C10orf71: variants seen among roughly 807,000 people sequenced by gnomAD.
The protein encoded by C10orf71 is cardiac-enriched FHL2-interacting protein.
For missense variants in C10orf71, 1,869 were observed against 1,804.5 expected, an observed-to-expected ratio of 1.04 and a Z score of -0.65; for synonymous variants, 758 against 726.3, an observed-to-expected ratio of 1.04 and a Z score of -0.70.
Position 49,323,923 on chromosome 10 carries a change from G to T in C10orf71, c.1378G>T (p.Ala460Ser), listed in dbSNP as rs1482216891. The T allele has an allele frequency of 6.2e-7, 1 of 1,613,644 alleles. No individual in the cohort carries two copies. Among genetic ancestry groups the T allele is most frequent in the Non-Finnish European group, 8.5e-7 (1 of 1,179,826 alleles). Reference protein sequence around the residue: ...IIPSKHALDSADSQPAERTPS... With the variant: ...IIPSKHALDSSDSQPAERTPS... ...ACCCAGCAAGCACGCCCTGGATTCA[G>T]CAGACAGCCAGCCAGCAGAGCGAAC... is the stretch of plus-strand genomic sequence containing the variant. Residue 460 changes from alanine (A) to serine (S), a missense_variant, in exon 3 of 3, where the codon GCA (alanine) becomes TCA (serine). Physicochemically the swap from Ala to Ser is moderately conservative, Grantham distance 99. Transcript: ENST00000374144.
chr10:49,322,985 T>G lies in C10orf71; in HGVS notation c.440T>G (p.Ile147Ser). The G allele has an allele frequency of 1.2e-6, 2 of 1,613,986 alleles. No individual in the cohort carries two copies. Among genetic ancestry groups the G allele is most frequent in the South Asian group, 2.2e-5 (2 of 91,080 alleles). ...NKPVSKVSTL[I>S]KSFDRTESQR... ...CCTGTCTCCAAAGTATCAACACTAA[T>G]TAAATCTTTCGACAGGACCGAGAGC... The change falls in exon 3 of 3, where the codon ATT (isoleucine) becomes AGT (serine). Residue 147 changes from isoleucine to serine, a missense_variant. Ile to Ser is a moderately radical substitution (Grantham distance 142). Coordinates refer to ENST00000374144, the MANE Select transcript of C10orf71 (RefSeq NM_001135196.2).
chr10:49,301,750 A>G (rs549129048), intron 1 of C10orf71, among the ~76,000 whole-genome samples: 2 of 152,240 alleles, frequency 1.3e-5, no homozygotes, highest in African/African-American at 4.8e-5. Context: ...GCCTGGGGAA[A>G]GTCTGACAGA....
At position 49,324,964 on chromosome 10, in the gene C10orf71, G is replaced by A; in HGVS notation, c.2419G>A (p.Val807Met). The stretch of plus-strand genomic sequence containing the variant: ...AGCATTGCAAAGAGAAAGGGAAAGT[G>A]TGTCTGGAGGAAGAACCAGGAAGGC... Reference protein sequence around the residue: ...GEALQRERESVSGGRTRKASA... With the variant: ...GEALQRERESMSGGRTRKASA... Residue 807 changes from valine to methionine, a missense_variant, in exon 3 of 3, where the codon GTG (valine) becomes ATG (methionine). Physicochemically the swap from Val to Met is conservative, Grantham distance 21. Coordinates refer to ENST00000374144, the MANE Select transcript of C10orf71 (RefSeq NM_001135196.2). The A allele has an allele frequency of 6.4e-7, 1 of 1,550,948 alleles. No homozygotes were observed. The highest frequency in any genetic ancestry group is 8.7e-7 in the Non-Finnish European group (1 of 1,146,512).
At chr10:49,305,966 T>G (rs1015549263) in intron 1 of C10orf71, among the ~76,000 whole-genome samples, 17 of 152,242 alleles carry the variant, frequency 1.1e-4, no homozygotes, top group Admixed American at 8.5e-4. Context: ...AGCTTTGCTT[T>G]GTCTGGTTTT....
Position 49,322,657 on chromosome 10 carries a change from C to G in C10orf71, c.112C>G (p.Arg38Gly). Residue 38 changes from arginine to glycine, a missense_variant, in exon 3 of 3, where the codon CGG (arginine) becomes GGG (glycine). By Grantham distance (125) the Arg-to-Gly change is moderately radical. Coordinates refer to ENST00000374144, the MANE Select transcript of C10orf71 (RefSeq NM_001135196.2). ...EVSSLTDRAF[R>G]SLCISEDTSF... ...GAGCAGCCTAACAGACCGGGCATTC[C>G]GGAGTTTGTGCATCTCCGAGGACAC... 1 of 1,613,602 alleles carries G rather than the reference C, an allele frequency of 6.2e-7. No individual in the cohort carries two copies. Among genetic ancestry groups the G allele is most frequent in the Non-Finnish European group, 8.5e-7 (1 of 1,179,706 alleles).
At position 49,308,581 on chromosome 10, in the gene C10orf71, G is replaced by A. The variant is rs528325353; in HGVS notation, c.-247-7564G>A. Among the ~76,000 whole-genome samples the A allele has an allele frequency of 3.9e-5, 6 of 152,324 alleles. No individual in the cohort carries two copies. The South Asian group carries it at 1.2e-3, about 32-fold the overall frequency. On this transcript the variant is annotated intron_variant, in intron 1 of 2. Transcript: ENST00000374144. The stretch of plus-strand genomic sequence containing the variant: ...TTACACACATAAGAGGCACTGCCCA[G>A]TGGAAGCCAATCTAAGGCAATCAGA...
chr10:49,312,450 T>C (rs1848931726), intron 1 of C10orf71, among the ~76,000 whole-genome samples: 2 of 152,216 alleles, frequency 1.3e-5, no homozygotes, highest in African/African-American at 4.8e-5. Context: ...AAAGCCAGCA[T>C]TTCATCCACT....
chr10:49,310,796 ATGATGG>A (rs1337536450), intron 1 of C10orf71, among the ~76,000 whole-genome samples: 1 of 151,504 alleles, frequency 6.6e-6, no homozygotes, highest in Non-Finnish European at 1.5e-5. Context: ...GATGATGATG[ATGATGG>A]TGATGATGAT....
chr10:49,310,297 T>A (rs1848888487), intron 1 of C10orf71, among the ~76,000 whole-genome samples: 1 of 152,144 alleles, frequency 6.6e-6, no homozygotes, highest in South Asian at 2.1e-4. Flanking sequence ...GAAAGTGAAA[T>A]GAAACCCTCG....
intron 1 of C10orf71, among the ~76,000 whole-genome samples, chr10:49,301,334 G>A (rs1379986166): frequency 6.6e-6 from 1 of 152,212 alleles, no homozygotes; most frequent in Admixed American, 6.5e-5. Context: ...ACAAAATCCA[G>A]CCAGTCCATA....
At chr10:49,306,830 C>G (rs1848822520) in intron 1 of C10orf71, among the ~76,000 whole-genome samples, 1 of 152,206 alleles carries the variant, frequency 6.6e-6, no homozygotes, top group Non-Finnish European at 1.5e-5. Flanking sequence ...CCAGGGGGAC[C>G]CACCATTCAC....
intron 2 of C10orf71, among the ~76,000 whole-genome samples, chr10:49,320,070 C>A (rs191803109): frequency 3.9e-4 from 59 of 152,112 alleles, no homozygotes; most frequent in Admixed American, 1.4e-3. Context: ...CATGAACATA[C>A]GAATATATTT....
intron 1 of C10orf71, among the ~76,000 whole-genome samples, chr10:49,307,784 G>A (rs369047884): frequency 6.6e-6 from 1 of 152,208 alleles, no homozygotes; most frequent in Admixed American, 6.5e-5. Flanking sequence ...ACCAGGAGGG[G>A]ACAGGTTTGT....
At position 49,326,327 on chromosome 10, in the gene C10orf71, C is replaced by G. The variant is rs964131303; in HGVS notation, c.3782C>G (p.Pro1261Arg). The change falls in exon 3 of 3, where the codon CCC becomes CGC. Residue 1261 changes from proline to arginine, a missense_variant. Transcript: ENST00000374144. ...CCTGTCGGGAGGCGGCCCGGGGGCC[C>G]CCAGTCCCTCACACCCCTGCCCGCG... is the stretch of plus-strand genomic sequence containing the variant. ...SEPVGRRPGG[P>R]QSLTPLPAYP... 1 of 1,549,806 alleles carries G rather than the reference C, an allele frequency of 6.5e-7. No individual in the cohort carries two copies. Among genetic ancestry groups the G allele is most frequent in the Non-Finnish European group, 8.7e-7 (1 of 1,146,560 alleles).
At position 49,322,893 on chromosome 10, in the gene C10orf71, C is replaced by T. The variant is rs768479530; in HGVS notation, c.348C>T (p.Ser116=). The part of the protein sequence containing the change: ...VQGEEKYPKT[S]PPPTPVQRRL... ...GAGAGGAAAAGTACCCCAAAACCAG[C>T]CCCCCACCAACGCCAGTCCAGAGGA... The change falls in exon 3 of 3, where the codon AGC becomes AGT. Residue 116 remains serine (S), a synonymous_variant. Coordinates refer to ENST00000374144, the MANE Select transcript of C10orf71 (RefSeq NM_001135196.2). The T allele has an allele frequency of 2.5e-5, 41 of 1,613,672 alleles. No homozygotes were observed. Among genetic ancestry groups the T allele is most frequent in the Non-Finnish European group, 3.2e-5 (38 of 1,179,802 alleles).
chr10:49,300,070 G>C (rs1398184060), intron 1 of C10orf71, among the ~76,000 whole-genome samples: 1 of 152,190 alleles, frequency 6.6e-6, no homozygotes, highest in African/African-American at 2.4e-5. Context: ...CATTGAGAAC[G>C]GCAGTGGTCA....
chr10:49,322,072 T>C (rs1387101973), intron 2 of C10orf71, among the ~76,000 whole-genome samples: 2 of 152,356 alleles, frequency 1.3e-5, no homozygotes, highest in East Asian at 3.9e-4. Flanking sequence ...AGCTTTTGAA[T>C]TGATGTAATC....
At position 49,325,368 on chromosome 10, in the gene C10orf71, G is replaced by A; in HGVS notation, c.2823G>A (p.Gly941=). ...ANEVMEDPGQ[G]SSMARMEASQ... is the part of the protein sequence containing the mutation. ...AGGTCATGGAGGACCCTGGGCAGGG[G>A]TCGAGCATGGCCAGGATGGAGGCCT... Residue 941 remains glycine (G), a synonymous_variant, in exon 3 of 3, where the codon GGG becomes GGA. Transcript: ENST00000374144. 6.4e-7 allele frequency: 1 copy of A among 1,551,730 alleles called. No homozygotes were observed.
intron 1 of C10orf71, among the ~76,000 whole-genome samples, chr10:49,302,464 G>C (rs935423913): frequency 2.6e-5 from 4 of 152,194 alleles, no homozygotes; most frequent in African/African-American, 9.7e-5. Flanking sequence ...TTCCCCTGTG[G>C]AAATCATTGG....
Sources: allele counts gnomAD v4.1 joint callset (sites outside exome capture counted in the v4.1 genomes callset), GRCh38; gene constraint gnomAD v4.1.1; transcripts MANE v1.5; gene names NCBI Gene and HGNC (gene_info 2026-07-23, HGNC 2026-07-21).